Variants in ADAM12 observed in about 807,000 individuals in gnomAD.
The protein encoded by ADAM12 is ADAM metallopeptidase domain 12, also known as disintegrin and metalloproteinase domain-containing protein 12.
In ADAM12, 70 loss-of-function variants were observed where a neutral mutation model predicts 106.4. The observed-to-expected ratio is 0.66, with a 90% CI of 0.54 to 0.80. The LOEUF (loss-of-function observed/expected upper bound fraction) is 0.80, where lower values mean the gene tolerates loss of function less well. ADAM12 is among the 30% of genes least tolerant of loss of function. ADAM12 has a pLI of 0.00. For synonymous variants in ADAM12, 420 were observed against 433.5 expected, an observed-to-expected ratio of 0.97 and a Z score of 0.39; for missense variants, 1,010 against 1,171.9, an observed-to-expected ratio of 0.86 and a Z score of 2.02.
intron 8 of ADAM12, among the ~76,000 whole-genome samples, chr10:126,106,982 G>A (rs775381711): frequency 1.3e-5 from 2 of 152,152 alleles, no homozygotes; most frequent in African/African-American, 2.4e-5. Flanking sequence ...CTTGAGCACC[G>A]TGAATCTTTG....
chr10:126,316,416 T>C (rs909181095), intron 2 of ADAM12, among the ~76,000 whole-genome samples: 1 of 152,128 alleles, frequency 6.6e-6, no homozygotes, highest in African/African-American at 2.4e-5. Flanking sequence ...CACCCAATAG[T>C]ATCCTAGGCA....
intron 1 of ADAM12, among the ~76,000 whole-genome samples, chr10:126,343,719 T>C (rs1855024946): frequency 6.6e-6 from 1 of 152,220 alleles, no homozygotes; most frequent in Admixed American, 6.5e-5. Context: ...ATGATCACCA[T>C]TCTAACTGGT....
intron 3 of ADAM12, among the ~76,000 whole-genome samples, chr10:126,159,446 C>T (rs1230163282): frequency 6.6e-6 from 1 of 151,810 alleles, no homozygotes; most frequent in Non-Finnish European, 1.5e-5. Context: ...ACTTCTATCA[C>T]ATCCTTTATT....
intron 3 of ADAM12, among the ~76,000 whole-genome samples, chr10:126,267,905 C>G (rs1390260111): frequency 6.6e-6 from 1 of 151,982 alleles, no homozygotes; most frequent in Non-Finnish European, 1.5e-5. Context: ...GGAGGGAGAC[C>G]TTTTGTTAGA....
intron 6 of ADAM12, among the ~76,000 whole-genome samples, chr10:126,117,183 C>A (rs1240925486): frequency 6.6e-6 from 1 of 152,220 alleles, no homozygotes; most frequent in Non-Finnish European, 1.5e-5. Flanking sequence ...GAACGATTGC[C>A]TTTAATCCTT....
intron 3 of ADAM12, among the ~76,000 whole-genome samples, chr10:126,253,821 G>A (rs1167409943): frequency 2.6e-5 from 4 of 152,202 alleles, no homozygotes; most frequent in Non-Finnish European, 5.9e-5. Flanking sequence ...GCCTGAGCTG[G>A]CACAGGCTCC....
intron 21 of ADAM12, among the ~76,000 whole-genome samples, chr10:126,032,720 C>T (rs1953992262): frequency 6.6e-6 from 1 of 152,162 alleles, no homozygotes; most frequent in Non-Finnish European, 1.5e-5. Flanking sequence ...AATATTGGTG[C>T]ATTTTATGAG....
At chr10:126,123,164 T>A (rs766318506) in intron 5 of ADAM12, among the ~76,000 whole-genome samples, 8 of 152,180 alleles carry the variant, frequency 5.3e-5, no homozygotes, top group Non-Finnish European at 1.0e-4. Context: ...ATCATTTAGC[T>A]CTAAAGAATT....
chr10:126,358,161 C>T (rs908763705), intron 1 of ADAM12, among the ~76,000 whole-genome samples: 5 of 137,446 alleles, frequency 3.6e-5, no homozygotes, highest in Admixed American at 7.8e-5. Flanking sequence ...CCTGGGTGAC[C>T]GTGAGACTCC....
chr10:126,165,853 T>C (rs947026709), intron 3 of ADAM12, among the ~76,000 whole-genome samples: 1 of 152,264 alleles, frequency 6.6e-6, no homozygotes, highest in Non-Finnish European at 1.5e-5. Flanking sequence ...TTTTTGGATA[T>C]AATTTCAGTA....
chr10:126,036,400 G>GCTAA lies in ADAM12; in HGVS notation c.2350-79_2350-76dup, dbSNP rs201014856. On this transcript the variant is annotated intron_variant, in intron 20 of 22. Transcript: ENST00000448723. The stretch of plus-strand genomic sequence containing the variant: ...AGTAACTCCTTAAGGAAAAAGCAGT[G>GCTAA]CTAACTCATCTGTTATAGCTGAAGG... 1,539 of 1,472,892 alleles carry GCTAA rather than the reference G, an allele frequency of 1.0e-3. 21 individuals are homozygous for GCTAA. The African/African-American group carries it at 0.02, about 19-fold the overall frequency. 91.2% of individuals were successfully genotyped at this position (1,472,892 alleles called of 1,614,324 possible). A position where few individuals can be genotyped will look rare whatever the true frequency, so the allele number is the denominator to read the frequency against.
intron 2 of ADAM12, 43 bp from the exon 3 acceptor site, chr10:126,279,031 T>TA (rs1189525224): frequency 6.7e-7 from 1 of 1,486,424 alleles, no homozygotes; most frequent in South Asian, 1.2e-5. Context: ...ACGCTTGGCT[T>TA]TGATTTGCAA....
chr10:126,231,340 T>C (rs76519988), intron 3 of ADAM12, among the ~76,000 whole-genome samples: 27,391 of 151,718 alleles, frequency 0.18, 2,810 homozygotes, highest in South Asian at 0.3. Flanking sequence ...CTTAGGAACT[T>C]TGAAATCTTA....
chr10:126,155,132 T>C, intron 4 of ADAM12, 95 bp downstream of exon 4: 1 of 1,362,802 alleles, frequency 7.3e-7, no homozygotes, highest in Non-Finnish European at 1.0e-6. Context: ...GTTAAGAATC[T>C]GGGCATGTGA....
At chr10:126,105,576 T>C (rs1955750107) in intron 8 of ADAM12, among the ~76,000 whole-genome samples, 1 of 152,216 alleles carries the variant, frequency 6.6e-6, no homozygotes, top group African/African-American at 2.4e-5. Flanking sequence ...CTGGAGAATA[T>C]CTGTGCCTAG....
chr10:126,206,855 G>C (rs12571431), intron 3 of ADAM12, among the ~76,000 whole-genome samples: 1 of 28,932 alleles, frequency 3.5e-5, no homozygotes, highest in Admixed American at 2.8e-4. Flanking sequence ...CATGTGTTGT[G>C]GGGGCGGGGG....
rs762424597 is a variant in ADAM12 at position 126,036,242 on chromosome 10, T to A, written c.2433A>T (p.Ser811=). 1 of 1,552,614 alleles carries A rather than the reference T, an allele frequency of 6.4e-7. No individual in the cohort carries two copies. Among genetic ancestry groups the A allele is most frequent in the African/African-American group, 1.4e-5 (1 of 70,672 alleles). ...GGAGGGGAGGAAGCACTCGCTGAGT[T>A]GACTGGGGCTGAGGGACATTCAGGC... ...LNGLNVPQPQ[S]TQRVLPPLHR... Residue 811 remains serine (S), a synonymous_variant, in exon 21 of 23, where the codon TCA becomes TCT. Transcript: ENST00000448723.
chr10:126,082,361 C>CTGTT (rs1955236996), intron 11 of ADAM12, among the ~76,000 whole-genome samples: 1 of 50,030 alleles, frequency 2.0e-5, no homozygotes, highest in Non-Finnish European at 3.8e-5. Context: ...AATCTAATGA[C>CTGTT]TGTTTTTTTT....
chr10:126,045,835 G>A (rs865857073), intron 17 of ADAM12, among the ~76,000 whole-genome samples: 1 of 152,178 alleles, frequency 6.6e-6, no homozygotes. Flanking sequence ...ATCATAGAAT[G>A]TTAATTTAAA....
Sources: gnomAD v4.1 joint callset for allele counts (sites outside exome capture counted in the v4.1 genomes callset) on GRCh38, gnomAD v4.1.1 for gene constraint, MANE v1.5 for transcripts, NCBI Gene and HGNC (gene_info 2026-07-23, HGNC 2026-07-21) for gene names.